The following AK9 variants were observed in gnomAD, a reference collection of about 807,000 sequenced individuals.
AK9 encodes the protein adenylate kinase 9.
In AK9, 191 loss-of-function variants were observed where a neutral mutation model predicts 239.6. The observed-to-expected ratio is 0.80, with a 90% CI of 0.71 to 0.90. The LOEUF is 0.90. AK9 is among the 40% of genes least tolerant of loss of function. AK9 has a pLI of 0.00. For synonymous variants in AK9, 689 were observed against 721.0 expected (o/e 0.96, Z 0.71); for missense variants, 1,995 against 2,214.7 (o/e 0.90, Z 1.99).
intron 13 of AK9, among the ~76,000 whole-genome samples, chr6:109,617,676 T>C (rs976806374): frequency 1.3e-5 from 2 of 152,160 alleles, no homozygotes; most frequent in African/African-American, 4.8e-5. Flanking sequence ...TAGAAAGAAG[T>C]ATTATTTTAA....
rs1015724882 is a variant in AK9, at chr6:109,599,957, T to C, written c.1842+10408A>G. Among the ~76,000 whole-genome samples the C allele has an allele frequency of 3.3e-5, 5 of 152,226 alleles. 1 individual carries two copies. Among genetic ancestry groups the C allele is most frequent in the South Asian group, 4.1e-4 (2 of 4,836 alleles). The stretch of plus-strand genomic sequence containing the variant: ...CTGGAGACTTTGCTGAAGTTGTTTA[T>C]CAGCTTAAGGAGATTTTGGGCTGAG... On this transcript the variant is annotated intron_variant, in intron 17 of 40. Transcript: ENST00000424296.
At chr6:109,588,496 C>T (rs1460866540) in intron 17 of AK9, among the ~76,000 whole-genome samples, 4 of 152,114 alleles carry the variant, frequency 2.6e-5, no homozygotes, top group East Asian at 1.9e-4. Flanking sequence ...TGGATATTAG[C>T]CCTTTGTCAG....
chr6:109,518,419 G>A (rs1779486258), intron 29 of AK9, among the ~76,000 whole-genome samples: 1 of 152,042 alleles, frequency 6.6e-6, no homozygotes, highest in South Asian at 2.1e-4. Flanking sequence ...TACAAGCTGG[G>A]ACATCTTAGT....
intron 6 of AK9, chr6:109,661,047 G>T: frequency 2.5e-6 from 1 of 400,624 alleles, no homozygotes. Flanking sequence ...AATGCTTAGG[G>T]ATTTATGGAT....
At chr6:109,592,741 C>T (rs1360252859) in intron 17 of AK9, among the ~76,000 whole-genome samples, 1 of 151,356 alleles carries the variant, frequency 6.6e-6, no homozygotes, top group Non-Finnish European at 1.5e-5. Flanking sequence ...CCACCGTGCC[C>T]AGCGGGATTT....
intron 25 of AK9, 128 bp from the exon 26 acceptor site, chr6:109,546,255 C>A: frequency 1.2e-6 from 1 of 810,892 alleles, no homozygotes; most frequent in Non-Finnish European, 1.9e-6. Context: ...ATGATCACAT[C>A]ATGAACTCAA....
chr6:109,640,306 G>C (rs1237211778), intron 10 of AK9, among the ~76,000 whole-genome samples: 1 of 152,166 alleles, frequency 6.6e-6, no homozygotes, highest in African/African-American at 2.4e-5. Flanking sequence ...TATTTGTGGG[G>C]AGTGTCCTGT....
At chr6:109,571,365 C>G (rs1459295077) in intron 21 of AK9, among the ~76,000 whole-genome samples, 1 of 152,074 alleles carries the variant, frequency 6.6e-6, no homozygotes, top group East Asian at 1.9e-4. Context: ...AGTTTATAAA[C>G]AAATAATTTC....
At chr6:109,509,985 C>T (rs528693381) in intron 32 of AK9, among the ~76,000 whole-genome samples, 2 of 152,254 alleles carry the variant, frequency 1.3e-5, no homozygotes, top group East Asian at 3.9e-4. Context: ...GCTCCTGGCC[C>T]TACTCCCATC....
intron 33 of AK9, among the ~76,000 whole-genome samples, chr6:109,507,581 C>T (rs1454541238): frequency 1.3e-5 from 2 of 152,036 alleles, no homozygotes; most frequent in Non-Finnish European, 1.5e-5. Context: ...AAAAAAAAGG[C>T]TGGTTATAGC....
chr6:109,662,366 T>G (rs568590922), intron 6 of AK9, among the ~76,000 whole-genome samples, 185 bp downstream of exon 6: 2 of 152,260 alleles, frequency 1.3e-5, no homozygotes, highest in South Asian at 4.1e-4. Flanking sequence ...GGCAAGAAGG[T>G]ATCTCATGTG....
At chr6:109,497,318 G>C in intron 38 of AK9, 147 bp downstream of exon 38, 1 of 645,686 alleles carries the variant, frequency 1.5e-6, no homozygotes, top group Non-Finnish European at 2.7e-6. Context: ...GCAGGGACCA[G>C]TGCTTGTTCA....
intron 29 of AK9, among the ~76,000 whole-genome samples, chr6:109,521,277 T>C (rs1779834133): frequency 6.6e-6 from 1 of 152,134 alleles, no homozygotes; most frequent in Non-Finnish European, 1.5e-5. Flanking sequence ...TTGGTTCCTC[T>C]TTCCTGCCAG....
chr6:109,574,518 A>T (rs9372216), intron 20 of AK9, among the ~76,000 whole-genome samples: 1 of 151,998 alleles, frequency 6.6e-6, no homozygotes, highest in Non-Finnish European at 1.5e-5. Flanking sequence ...ACAAAGTCAA[A>T]GTATTGCTAA....
rs1303383661 is a variant in AK9 at position 109,506,394 on chromosome 6, A to G, written c.4782T>C (p.Asn1594=). The change falls in exon 35 of 41, where the codon AAT becomes AAC. Residue 1594 remains asparagine (N), a synonymous_variant. Coordinates refer to ENST00000424296, the MANE Select transcript of AK9 (RefSeq NM_001145128.3). ...CCATTTGAACATTCTTAATGACTTC[A>G]TTCCATACCCACCATTTGCTGTGAA... ...DGFHSKWWVW[N]EVIKNVQMVN... 5 of 1,613,848 alleles carry G rather than the reference A, an allele frequency of 3.1e-6. No individual in the cohort carries two copies. In the South Asian group the frequency reaches 5.5e-5, roughly 18 times the overall value.
intron 12 of AK9, among the ~76,000 whole-genome samples, chr6:109,622,016 TTA>T (rs1794917285): frequency 6.8e-6 from 1 of 147,538 alleles, no homozygotes; most frequent in South Asian, 2.1e-4. Context: ...ATAGCCTAGT[TTA>T]TAGTTGCAAA....
At chr6:109,631,167 T>C (rs1796054769) in intron 12 of AK9, among the ~76,000 whole-genome samples, 1 of 152,140 alleles carries the variant, frequency 6.6e-6, no homozygotes, top group East Asian at 1.9e-4. Context: ...AAAGCACTAA[T>C]GATAACAGAC....
intron 24 of AK9, among the ~76,000 whole-genome samples, chr6:109,554,531 T>C (rs867186605): frequency 0.023 from 3,065 of 133,970 alleles, 42 homozygotes; most frequent in East Asian, 0.096. Context: ...TTTTCTTTTT[T>C]TTTTTTTTTT....
intron 1 of AK9, among the ~76,000 whole-genome samples, chr6:109,677,023 C>G (rs118136529): frequency 6.6e-6 from 1 of 152,026 alleles, no homozygotes; most frequent in African/African-American, 2.4e-5. Context: ...CTCACTTATA[C>G]GTGGGAACTA....
Sources: gnomAD v4.1 joint callset for allele counts (sites outside exome capture counted in the v4.1 genomes callset) on GRCh38, gnomAD v4.1.1 for gene constraint, MANE v1.5 for transcripts, NCBI Gene and HGNC (gene_info 2026-07-23, HGNC 2026-07-21) for gene names.